Variants in STARD13 observed in about 807,000 individuals in gnomAD.
STARD13 encodes the protein StAR related lipid transfer domain containing 13.
A neutral mutation model predicts 106.4 loss-of-function variants in STARD13; 62 were observed. The observed-to-expected ratio is 0.58, with a 90% CI of 0.48 to 0.72. The LOEUF is 0.72. Ranked by LOEUF, STARD13 falls within the 30% of genes least tolerant of loss-of-function variation. The pLI, the probability that STARD13 is intolerant of heterozygous loss-of-function variation, is 0.00. For missense variants in STARD13, 1,387 were observed against 1,424.0 expected, an observed-to-expected ratio of 0.97 and a Z score of 0.42; for synonymous variants, 565 against 553.0, an observed-to-expected ratio of 1.02 and a Z score of -0.31.
chr13:33,315,698 T>C lies in STARD13; in HGVS notation c.124+34592A>G, dbSNP rs2138513395. On this transcript the variant is annotated intron_variant, in intron 1 of 5. Coordinates refer to the STARD13 transcript ENST00000567873. ...CAAAGTTCAAGAGTAACACTAGAGT[T>C]TAACTACCTTTTAATTTTGCTAGGT... 2.0e-5 allele frequency among the ~76,000 whole-genome samples: 3 copies of C among 152,262 alleles called. No homozygotes were observed. In the Middle Eastern group the frequency reaches 0.01, roughly 518 times the overall value.
the STARD13 span, among the ~76,000 whole-genome samples, chr13:33,424,122 T>TA: frequency 6.6e-6 from 1 of 151,116 alleles, no homozygotes; most frequent in East Asian, 1.9e-4. Flanking sequence ...CAAAAATCTG[T>TA]AACAAAAAAA....
chr13:33,119,511 G>C (rs1875933875), intron 7 of STARD13, among the ~76,000 whole-genome samples: 1 of 152,210 alleles, frequency 6.6e-6, no homozygotes, highest in Non-Finnish European at 1.5e-5. Context: ...AGGCTTTCCT[G>C]ATTGCTGCAA....
the STARD13 span, among the ~76,000 whole-genome samples, chr13:33,402,022 A>G: frequency 6.6e-6 from 1 of 152,378 alleles, no homozygotes; most frequent in South Asian, 2.1e-4. Flanking sequence ...ATTAAACTGT[A>G]GCTGCCAAAT....
chr13:33,168,654 A>G (rs184996367), intron 1 of STARD13, among the ~76,000 whole-genome samples: 98 of 152,260 alleles, frequency 6.4e-4, no homozygotes, highest in Admixed American at 7.9e-4. Flanking sequence ...TCCATTTACT[A>G]TGATGCTAAT....
intron 1 of STARD13, among the ~76,000 whole-genome samples, chr13:33,213,084 G>A (rs1251910165): frequency 1.3e-5 from 2 of 152,146 alleles, no homozygotes; most frequent in Non-Finnish European, 2.9e-5. Context: ...AAATCAGACA[G>A]TACATCTGTA....
At chr13:33,408,707 A>G in the STARD13 span, among the ~76,000 whole-genome samples, 1 of 152,138 alleles carries the variant, frequency 6.6e-6, no homozygotes, top group Non-Finnish European at 1.5e-5. Context: ...TGGGCATAAA[A>G]GATCTGGCCT....
At chr13:33,260,910 C>A (rs74762167) in intron 1 of STARD13, among the ~76,000 whole-genome samples, 5,010 of 152,252 alleles carry the variant, frequency 0.033, 293 homozygotes, top group African/African-American at 0.11. Flanking sequence ...TTCCTCTGAA[C>A]TCCTAAGCCA....
At chr13:33,349,397 A>G (rs951447786) in intron 1 of STARD13, among the ~76,000 whole-genome samples, 2 of 152,100 alleles carry the variant, frequency 1.3e-5, no homozygotes, top group Admixed American at 6.5e-5. Context: ...ACGTTCCCTT[A>G]TTGGGGCAGG....
At chr13:33,624,648 T>C in the STARD13 span, among the ~76,000 whole-genome samples, 1 of 152,244 alleles carries the variant, frequency 6.6e-6, no homozygotes, top group South Asian at 2.1e-4. Context: ...TTATTTCCTT[T>C]GAGCCTCCTA....
intron 3 of STARD13, among the ~76,000 whole-genome samples, chr13:33,159,792 C>A (rs1868916166): frequency 6.6e-6 from 1 of 152,082 alleles, no homozygotes; most frequent in African/African-American, 2.4e-5. Context: ...TCAATGTGAA[C>A]CACTCATATG....
intron 1 of STARD13, among the ~76,000 whole-genome samples, chr13:33,332,003 G>A (rs2077842425): frequency 6.6e-6 from 1 of 152,138 alleles, no homozygotes; most frequent in Admixed American, 6.5e-5. Context: ...CTCTTGGCCT[G>A]TATTGTCTTT....
At chr13:33,213,937 A>G (rs568146998) in intron 1 of STARD13, among the ~76,000 whole-genome samples, 3 of 152,366 alleles carry the variant, frequency 2.0e-5, no homozygotes, top group African/African-American at 7.2e-5. Flanking sequence ...TGCAGTATGG[A>G]AAGAACAAAG....
chr13:33,278,862 A>G (rs1295719761), intron 1 of STARD13, among the ~76,000 whole-genome samples: 2 of 151,980 alleles, frequency 1.3e-5, no homozygotes, highest in African/African-American at 4.8e-5. Context: ...TTTTCATCAG[A>G]TTTATCTTTT....
chr13:33,349,044 T>C (rs1258928220), exon 2 of STARD13: 1 of 689,914 alleles, frequency 1.4e-6, no homozygotes, highest in Non-Finnish European at 2.6e-6. Context: ...GCAGAACACC[T>C]AGCAAACCAC....
intron 1 of STARD13, chr13:33,335,328 A>C (rs544912416): frequency 1.3e-5 from 2 of 152,370 alleles, no homozygotes; most frequent in East Asian, 3.9e-4. Flanking sequence ...AGACTCTGGG[A>C]TGCTGGAACG....
chr13:33,542,763 A>C, the STARD13 span, among the ~76,000 whole-genome samples: 4 of 152,208 alleles, frequency 2.6e-5, no homozygotes, highest in African/African-American at 4.8e-5. Flanking sequence ...GCGCAAAGGA[A>C]GGGATCCGGT....
upstream of STARD13, among the ~76,000 whole-genome samples, chr13:33,289,733 G>T (rs1334786749): frequency 1.3e-5 from 2 of 152,136 alleles, no homozygotes; most frequent in South Asian, 4.1e-4. Flanking sequence ...ATCCCGTGGT[G>T]ATTGAGAGTT....
At chr13:33,248,881 T>A (rs1232143156) in intron 1 of STARD13, among the ~76,000 whole-genome samples, 2 of 152,224 alleles carry the variant, frequency 1.3e-5, no homozygotes, top group Non-Finnish European at 2.9e-5. Flanking sequence ...GGTGGCAAGT[T>A]GAACATATCA....
the STARD13 span, among the ~76,000 whole-genome samples, chr13:33,402,450 G>A: frequency 6.6e-6 from 1 of 152,234 alleles, no homozygotes; most frequent in Non-Finnish European, 1.5e-5. Flanking sequence ...AGGATTTGGT[G>A]ATGAATGGAC....
Sources: allele counts gnomAD v4.1 joint callset (sites outside exome capture counted in the v4.1 genomes callset), GRCh38; gene constraint gnomAD v4.1.1; transcripts MANE v1.5; gene names NCBI Gene and HGNC (gene_info 2026-07-23, HGNC 2026-07-21).